ST3GAL2: variants seen among roughly 807,000 people sequenced by gnomAD.
ST3GAL2 encodes the protein ST3 beta-galactoside alpha-2,3-sialyltransferase 2.
In ST3GAL2, 16 loss-of-function variants were observed where a neutral mutation model predicts 37.5. The observed-to-expected ratio is 0.43, with a 90% CI of 0.29 to 0.65. The LOEUF (loss-of-function observed/expected upper bound fraction) is 0.65, where lower values mean the gene tolerates loss of function less well. Ranked by LOEUF, ST3GAL2 falls within the 30% of genes least tolerant of loss-of-function variation. The probability of loss-of-function intolerance (pLI) is 0.17; values close to 1 mark genes in which losing one functional copy is unlikely to be tolerated. For missense variants in ST3GAL2, 383 were observed against 487.8 expected (o/e 0.79, Z 2.02); for synonymous variants, 238 against 202.9 (o/e 1.17, Z -1.47).
At chr16:70,393,850 C>T (rs919438094) in intron 3 of ST3GAL2, 2 of 152,132 alleles carry the variant, frequency 1.3e-5, no homozygotes, top group Non-Finnish European at 2.9e-5. Context: ...GCTATGGAGA[C>T]AGCAACAGTT....
At chr16:70,391,900 C>T (rs1399881861) in intron 3 of ST3GAL2, among the ~76,000 whole-genome samples, 2 of 152,220 alleles carry the variant, frequency 1.3e-5, no homozygotes, top group African/African-American at 2.4e-5. Context: ...TGAGCCACTG[C>T]GCCCAGCCAA....
rs369981434 is a variant in ST3GAL2 at position 70,420,717 on chromosome 16, G to A, written c.-1004+18232C>T. ...CACGCCCTATCTTTAGCTTTCTTTT[G>A]TTCTCCTTTTATATTTAGTAATGTC... On this transcript the variant is annotated intron_variant, in intron 1 of 6. Transcript: ENST00000342907. Among the ~76,000 whole-genome samples, 5 of 152,146 alleles carry A rather than the reference G, an allele frequency of 3.3e-5. No individual in the cohort carries two copies. In the South Asian group the frequency reaches 1.0e-3, roughly 32 times the overall value.
chr16:70,404,664 T>C (rs9924352), intron 1 of ST3GAL2, among the ~76,000 whole-genome samples: 12,320 of 152,050 alleles, frequency 0.081, 1,613 homozygotes, highest in African/African-American at 0.28. Flanking sequence ...AAATATACAG[T>C]CACCATAATA....
intron 1 of ST3GAL2, chr16:70,400,052 C>T (rs1304352872): frequency 6.6e-6 from 1 of 152,354 alleles, no homozygotes; most frequent in Admixed American, 6.5e-5. Flanking sequence ...GAACCATGAA[C>T]AGTCCTGTCA....
chr16:70,434,591 G>A (rs982075556), intron 1 of ST3GAL2, among the ~76,000 whole-genome samples: 2 of 151,846 alleles, frequency 1.3e-5, no homozygotes, highest in Non-Finnish European at 2.9e-5. Flanking sequence ...TGTCTGTTTG[G>A]GCACATCTGG....
rs1190724180 is a variant in ST3GAL2 at position 70,381,752 on chromosome 16, G to A, written c.990C>T (p.Phe330=). 3.1e-6 allele frequency: 5 copies of A among 1,614,096 alleles called. No homozygotes were observed. The South Asian group carries it at 4.4e-5, about 14-fold the overall frequency. ...CCAGCATGTCGATGATGTGGGCCTCGAAGTCCGCGTCGTGCACGCCAGTCT... is the reference window on the plus strand; with the variant it reads ...CCAGCATGTCGATGATGTGGGCCTCAAAGTCCGCGTCGTGCACGCCAGTCT... ...FRKTGVHDAD[F]EAHIIDMLAK... The change falls in exon 7 of 7, where the codon TTC becomes TTT. Residue 330 remains phenylalanine (F), a synonymous_variant. Coordinates refer to ENST00000342907, the MANE Select transcript of ST3GAL2 (RefSeq NM_006927.4).
chr16:70,425,668 G>C (rs1273469859), intron 1 of ST3GAL2, among the ~76,000 whole-genome samples: 1 of 151,866 alleles, frequency 6.6e-6, no homozygotes, highest in African/African-American at 2.4e-5. Flanking sequence ...GCAGTGAACC[G>C]AGACCGCTCC....
intron 1 of ST3GAL2, among the ~76,000 whole-genome samples, chr16:70,406,123 A>G (rs2047590769): frequency 6.6e-6 from 1 of 151,432 alleles, no homozygotes; most frequent in Admixed American, 6.6e-5. Context: ...TGTGTGAATT[A>G]TAGCTCAATA....
At chr16:70,431,338 G>C (rs1239728863) in intron 1 of ST3GAL2, among the ~76,000 whole-genome samples, 1 of 152,158 alleles carries the variant, frequency 6.6e-6, no homozygotes. Context: ...GAGGCTGGGG[G>C]GCTGCTGCCT....
rs575986555 is a variant in ST3GAL2, at chr16:70,438,980, G to C, written c.-1035C>G. The C allele has an allele frequency of 6.4e-6, 1 of 155,274 alleles. No individual in the cohort carries two copies. Among genetic ancestry groups the C allele is most frequent in the Non-Finnish European group, 1.4e-5 (1 of 73,238 alleles). The allele number at this position is 155,274 out of a possible 1,614,324, so 9.6% of individuals were successfully genotyped here. On this transcript the variant is annotated 5_prime_UTR_variant, in exon 1 of 7. Transcript: ENST00000342907. ...CAGCGCCCGGCGCCGCGCGGGCCAT[G>C]CTCGCCGCTCCGGCCGCCGCCGCCG...
chr16:70,383,667 G>A (rs541347914), intron 4 of ST3GAL2, among the ~76,000 whole-genome samples: 120 of 151,562 alleles, frequency 7.9e-4, no homozygotes, highest in African/African-American at 2.9e-3. Flanking sequence ...AGAAAGGAAA[G>A]GAAGAAAAGA....
At chr16:70,392,535 G>A (rs1435978913) in intron 3 of ST3GAL2, among the ~76,000 whole-genome samples, 3 of 152,164 alleles carry the variant, frequency 2.0e-5, no homozygotes, top group Non-Finnish European at 4.4e-5. Context: ...ACTGTCTAGC[G>A]GGCACTGTTC....
At chr16:70,419,744 T>G (rs1216070508) in intron 1 of ST3GAL2, among the ~76,000 whole-genome samples, 1 of 152,164 alleles carries the variant, frequency 6.6e-6, no homozygotes, top group East Asian at 1.9e-4. Context: ...AAGGTACAGG[T>G]GAAAACATGG....
chr16:70,389,490 C>T (rs1239320148), intron 3 of ST3GAL2, among the ~76,000 whole-genome samples: 3 of 151,594 alleles, frequency 2.0e-5, no homozygotes, highest in Non-Finnish European at 2.9e-5. Context: ...TTGGTTGAGA[C>T]GGATCGCCCT....
rs569716673 is a variant in ST3GAL2, at chr16:70,376,636, C to G, written c.*5053G>C. ...CCTAATTCACACTCAAAAGGGAATACTTTTATTTTTAAAAATATAGTTTCA... is the reference window on the plus strand; with the variant it reads ...CCTAATTCACACTCAAAAGGGAATAGTTTTATTTTTAAAAATATAGTTTCA... On this transcript the variant is annotated 3_prime_UTR_variant, in exon 7 of 7. Transcript: ENST00000342907. 1.3e-5 allele frequency: 2 copies of G among 152,278 alleles called. No homozygotes were observed. The highest frequency in any genetic ancestry group is 4.1e-4 in the South Asian group (2 of 4,830). 9.4% of individuals were successfully genotyped at this position (152,278 alleles called of 1,614,324 possible).
At position 70,381,596 on chromosome 16, in the gene ST3GAL2, C is replaced by A; in HGVS notation, c.*93G>T. On this transcript the variant is annotated 3_prime_UTR_variant, in exon 7 of 7. Transcript: ENST00000342907. ...GGGCACAGCAGACGCCCCTGGGCTG[C>A]AGCATGATTGGTCGCGGGTTGCTGG... 6.8e-7 allele frequency: 1 copy of A among 1,478,166 alleles called. No homozygotes were observed. Among genetic ancestry groups the A allele is most frequent in the Non-Finnish European group, 9.1e-7 (1 of 1,100,344 alleles). The allele number at this position is 1,478,166 out of a possible 1,614,324, so 91.6% of individuals were successfully genotyped here. A position where few individuals can be genotyped will look rare whatever the true frequency, so the allele number is the denominator to read the frequency against.
intron 3 of ST3GAL2, among the ~76,000 whole-genome samples, chr16:70,394,285 A>G (rs1327400255): frequency 1.3e-5 from 2 of 152,038 alleles, no homozygotes; most frequent in African/African-American, 4.8e-5. Context: ...AGCGAGAATC[A>G]CCTGCTGCTA....
chr16:70,420,224 A>T (rs914567517), intron 1 of ST3GAL2, among the ~76,000 whole-genome samples: 2 of 151,988 alleles, frequency 1.3e-5, no homozygotes, highest in Non-Finnish European at 2.9e-5. Context: ...TTCTGCCAAG[A>T]TCAAATGTTG....
At chr16:70,404,422 C>A (rs778502648) in intron 1 of ST3GAL2, among the ~76,000 whole-genome samples, 1 of 152,078 alleles carries the variant, frequency 6.6e-6, no homozygotes, top group South Asian at 2.1e-4. Flanking sequence ...AGGGGTATTG[C>A]GAGGCTCAAG....
Sources: allele counts gnomAD v4.1 joint callset (sites outside exome capture counted in the v4.1 genomes callset), GRCh38; gene constraint gnomAD v4.1.1; transcripts MANE v1.5; gene names NCBI Gene and HGNC (gene_info 2026-07-23, HGNC 2026-07-21).